SLC22A25: variants seen among roughly 807,000 people sequenced by gnomAD.
The protein encoded by SLC22A25 is MGI:2442751, MGI:2385316, MGI:3042283, MGI:3645714, MGI:3605624, MGI:2442750.
In SLC22A25, 44 loss-of-function variants were observed where a neutral mutation model predicts 45.9. The observed-to-expected ratio is 0.96, with a 90% confidence interval of 0.75 to 1.23. The LOEUF (loss-of-function observed/expected upper bound fraction) is 1.23, where lower values mean the gene tolerates loss of function less well. SLC22A25 is among the 50% of genes most tolerant of loss of function. SLC22A25 has a pLI of 0.00. For missense variants in SLC22A25, 800 were observed against 666.4 expected, an observed-to-expected ratio of 1.20 and a Z score of -2.21; for synonymous variants, 283 against 238.6, an observed-to-expected ratio of 1.19 and a Z score of -1.72.
intron 9 of SLC22A25, among the ~76,000 whole-genome samples, chr11:63,171,229 G>A (rs1334905651): frequency 6.6e-6 from 1 of 152,132 alleles, no homozygotes; most frequent in African/African-American, 2.4e-5. Flanking sequence ...AAAGCTGGAA[G>A]CGTTCCCTTT....
chr11:63,165,530 T>A (rs1332897672), intron 10 of SLC22A25, among the ~76,000 whole-genome samples: 2 of 152,244 alleles, frequency 1.3e-5, no homozygotes, highest in Non-Finnish European at 2.9e-5. Flanking sequence ...GGGACTTTTG[T>A]TTCTTTGAAG....
chr11:63,162,021 A>G lies in SLC22A25; in HGVS notation c.*1803T>C, dbSNP rs909393440. On this transcript the variant is annotated 3_prime_UTR_variant, in exon 12 of 12. Transcript: ENST00000306494. ...TTGATTTGCATTTCTCTGAGGATCA[A>G]TGATGTTCAGCACTTTTTCCTATGA... 3.3e-5 allele frequency among the ~76,000 whole-genome samples: 5 copies of G among 152,188 alleles called. No individual in the cohort carries two copies. Among genetic ancestry groups the G allele is most frequent in the Admixed American group, 1.3e-4 (2 of 15,272 alleles).
At chr11:63,173,410 T>A (rs2087964315) in intron 9 of SLC22A25, among the ~76,000 whole-genome samples, 1 of 152,172 alleles carries the variant, frequency 6.6e-6, no homozygotes, top group African/African-American at 2.4e-5. Context: ...GTCAATAAAC[T>A]TTAATTATAT....
chr11:63,240,340 T>C (rs1449705974), intron 1 of SLC22A25, among the ~76,000 whole-genome samples: 1 of 152,180 alleles, frequency 6.6e-6, no homozygotes, highest in Non-Finnish European at 1.5e-5. Flanking sequence ...TCATTTTCAT[T>C]AGAGTCAAAG....
chr11:63,239,738 G>A (rs1173904932), intron 1 of SLC22A25, among the ~76,000 whole-genome samples: 2 of 152,156 alleles, frequency 1.3e-5, no homozygotes, highest in Non-Finnish European at 2.9e-5. Context: ...CAGAGTCAGG[G>A]TAGTGAAGGA....
At chr11:63,217,161 CTT>C (rs1211414491) in intron 7 of SLC22A25, among the ~76,000 whole-genome samples, 151 bp downstream of exon 7, 3 of 152,118 alleles carry the variant, frequency 2.0e-5, no homozygotes, top group Non-Finnish European at 4.4e-5. Flanking sequence ...TCAGGAAACC[CTT>C]TGTGTTTTGC....
chr11:63,243,324 C>A, intron 1 of SLC22A25, 110 bp downstream of exon 1: 1 of 493,882 alleles, frequency 2.0e-6, no homozygotes, highest in South Asian at 2.1e-5. Flanking sequence ...CATGATTGAA[C>A]CATTTGGGAT....
intron 7 of SLC22A25, among the ~76,000 whole-genome samples, chr11:63,206,432 G>A (rs1230692967): frequency 6.6e-6 from 1 of 152,202 alleles, no homozygotes; most frequent in Admixed American, 6.5e-5. Flanking sequence ...AGCAACTTCA[G>A]CAAAGTCTCA....
chr11:63,184,503 G>T (rs1391992556), intron 7 of SLC22A25, among the ~76,000 whole-genome samples: 4 of 152,170 alleles, frequency 2.6e-5, no homozygotes, highest in African/African-American at 9.6e-5. Context: ...AAGGGGTATA[G>T]TTAATCATAC....
At chr11:63,164,437 C>T in intron 11 of SLC22A25, 89 bp downstream of exon 11, 2 of 1,135,360 alleles carry the variant, frequency 1.8e-6, no homozygotes, top group Admixed American at 2.1e-5. Context: ...TTTTAACTAA[C>T]TTGTCTTGGA....
At chr11:63,228,330 T>C in intron 5 of SLC22A25, 131 bp downstream of exon 5, 1 of 663,536 alleles carries the variant, frequency 1.5e-6, no homozygotes. Flanking sequence ...ATTTTCCTTT[T>C]GTGTCTACAA....
Position 63,163,141 on chromosome 11 carries a change from C to G in SLC22A25, c.*683G>C, listed in dbSNP as rs963629983. On this transcript the variant is annotated 3_prime_UTR_variant, in exon 12 of 12. Coordinates refer to ENST00000306494, the MANE Select transcript of SLC22A25 (RefSeq NM_199352.6). ...AAACCTTGTGAAGTAAAAAACCAAGCTCCCAGCCTAGGATCTGGGAAGGCA... is the reference window on the plus strand; with the variant it reads ...AAACCTTGTGAAGTAAAAAACCAAGGTCCCAGCCTAGGATCTGGGAAGGCA... Among the ~76,000 whole-genome samples, 2 of 152,184 alleles carry G rather than the reference C, an allele frequency of 1.3e-5. No homozygotes were observed. Among genetic ancestry groups the G allele is most frequent in the Admixed American group, 1.3e-4 (2 of 15,274 alleles).
chr11:63,209,236 C>A (rs922918899), intron 7 of SLC22A25, among the ~76,000 whole-genome samples: 1 of 152,100 alleles, frequency 6.6e-6, no homozygotes, highest in Non-Finnish European at 1.5e-5. Context: ...TTGTTTACAG[C>A]CCTGCCTAGA....
At chr11:63,240,810 C>G (rs2090235536) in intron 1 of SLC22A25, among the ~76,000 whole-genome samples, 2 of 152,172 alleles carry the variant, frequency 1.3e-5, no homozygotes, top group Non-Finnish European at 2.9e-5. Flanking sequence ...ATGGGGTTGT[C>G]ATCTCCTGTG....
intron 7 of SLC22A25, among the ~76,000 whole-genome samples, chr11:63,211,833 A>G (rs1287513734): frequency 6.6e-6 from 1 of 152,022 alleles, no homozygotes; most frequent in Non-Finnish European, 1.5e-5. Flanking sequence ...TAATTAAACT[A>G]AAGAGCTTCT....
rs371318056 is a variant in SLC22A25, at chr11:63,211,683, C to A, written c.830+5631G>T. On this transcript the variant is annotated intron_variant, in intron 7 of 11. Transcript: ENST00000306494. ...AAATTAATTCAAGATGGATTAAAGA[C>A]TTAAATCTTAGACCTAAAACCTTAA... Among the ~76,000 whole-genome samples, 80 of 152,278 alleles carry A rather than the reference C, an allele frequency of 5.3e-4. 1 individual carries two copies. In the East Asian group the frequency reaches 8.5e-3, roughly 16 times the overall value.
intron 7 of SLC22A25, among the ~76,000 whole-genome samples, chr11:63,188,497 C>A (rs532482631): frequency 1.3e-5 from 2 of 152,156 alleles, no homozygotes; most frequent in South Asian, 2.1e-4. Context: ...AAAAAACCAG[C>A]TCCTGGATTC....
At chr11:63,167,956 T>C in intron 9 of SLC22A25, 1 of 399,708 alleles carries the variant, frequency 2.5e-6, no homozygotes, top group Non-Finnish European at 5.0e-6. Context: ...AAAATGAAGC[T>C]TCCAGAGGAA....
intron 9 of SLC22A25, 134 bp from the exon 10 acceptor site, chr11:63,166,392 T>C: frequency 6.9e-7 from 1 of 1,450,126 alleles, no homozygotes; most frequent in South Asian, 1.5e-5. Context: ...GAATATTTTC[T>C]TGCAAGTTGA....
Sources: allele counts gnomAD v4.1 joint callset (sites outside exome capture counted in the v4.1 genomes callset), GRCh38; gene constraint gnomAD v4.1.1; transcripts MANE v1.5; gene names NCBI Gene and HGNC (gene_info 2026-07-23, HGNC 2026-07-21).